The following BABAM2 variants were observed in gnomAD, a reference collection of about 807,000 sequenced individuals.
BABAM2 encodes the protein BRISC and BRCA1 A complex member 2.
Under a neutral mutation model 54.7 loss-of-function variants are expected in BABAM2, and 31 were observed. The ratio of observed to expected loss-of-function variants is 0.57; its 90% confidence interval spans 0.43 to 0.77. The LOEUF (loss-of-function observed/expected upper bound fraction) is 0.77, where lower values mean the gene tolerates loss of function less well. Ranked by LOEUF, BABAM2 falls within the 30% of genes least tolerant of loss-of-function variation. The pLI, the probability that BABAM2 is intolerant of heterozygous loss-of-function variation, is 0.00. For synonymous variants in BABAM2, 167 were observed against 162.9 expected (o/e 1.03, Z -0.19); for missense variants, 364 against 455.8 (o/e 0.80, Z 1.83).
chr2:27,989,559 G>A (rs1220546718), intron 4 of BABAM2, among the ~76,000 whole-genome samples: 1 of 152,154 alleles, frequency 6.6e-6, no homozygotes, highest in Non-Finnish European at 1.5e-5. Context: ...AGGTTAGAAA[G>A]GTAAATTGGG....
chr2:27,991,301 G>A (rs890098207), intron 4 of BABAM2, among the ~76,000 whole-genome samples: 1 of 152,178 alleles, frequency 6.6e-6, no homozygotes, highest in African/African-American at 2.4e-5. Context: ...TCCAACAGAA[G>A]GCTGTTTGCC....
Position 28,288,184 on chromosome 2 carries a change from A to G in BABAM2, c.935-10154A>G, listed in dbSNP as rs564982936. Among the ~76,000 whole-genome samples the G allele has an allele frequency of 1.3e-4, 20 of 152,276 alleles. 1 individual carries two copies. In the South Asian group the frequency reaches 4.1e-3, roughly 32 times the overall value. ...GAAAAGCAAGGGGCGCCCTCCAGAC[A>G]GGGAGAAGGACTTGGCCTGTGAGCT... On this transcript the variant is annotated intron_variant, in intron 10 of 11. Coordinates refer to ENST00000379624, the MANE Select transcript of BABAM2 (RefSeq NM_199191.3).
At chr2:28,103,556 A>G (rs993952698) in intron 6 of BABAM2, among the ~76,000 whole-genome samples, 1 of 152,116 alleles carries the variant, frequency 6.6e-6, no homozygotes, top group Non-Finnish European at 1.5e-5. Flanking sequence ...CCATCCTCCC[A>G]TCTCAGCCTC....
At chr2:28,164,672 T>C (rs1673454648) in intron 7 of BABAM2, among the ~76,000 whole-genome samples, 1 of 152,132 alleles carries the variant, frequency 6.6e-6, no homozygotes. Context: ...CTGGAACAGA[T>C]ACTTCCATAG....
intron 10 of BABAM2, among the ~76,000 whole-genome samples, chr2:28,251,933 G>A (rs866732034): frequency 4.6e-5 from 7 of 152,074 alleles, no homozygotes; most frequent in African/African-American, 1.7e-4. Context: ...GCTCATGCCC[G>A]TAATCCCAGC....
chr2:27,955,329 C>T (rs1670007444), intron 3 of BABAM2, among the ~76,000 whole-genome samples: 1 of 152,170 alleles, frequency 6.6e-6, no homozygotes, highest in Non-Finnish European at 1.5e-5. Flanking sequence ...GCATACTTTG[C>T]TAGGAAGTGC....
At chr2:28,273,599 G>A (rs1222847637) in intron 10 of BABAM2, among the ~76,000 whole-genome samples, 1 of 152,102 alleles carries the variant, frequency 6.6e-6, no homozygotes, top group Non-Finnish European at 1.5e-5. Context: ...TGGACTTGTA[G>A]TCCCAGCTTC....
Position 28,016,235 on chromosome 2 carries a change from G to A in BABAM2, c.301-8991G>A, listed in dbSNP as rs866944438. The A allele has an allele frequency of 1.1e-4, 102 of 913,938 alleles. No homozygotes were observed. The South Asian group carries it at 1.2e-3, about 11-fold the overall frequency. 56.6% of individuals were successfully genotyped at this position (913,938 alleles called of 1,614,324 possible). A position where few individuals can be genotyped will look rare whatever the true frequency, so the allele number is the denominator to read the frequency against. ...TCTTTTTTTGGATGAGCTCTCACTT[G>A]CACTTAACAATTTCCCCCTGTGTTT... On this transcript the variant is annotated intron_variant, in intron 4 of 11. Coordinates refer to ENST00000379624, the MANE Select transcript of BABAM2 (RefSeq NM_199191.3).
chr2:28,264,724 C>T (rs1449273807), intron 10 of BABAM2, among the ~76,000 whole-genome samples: 1 of 152,148 alleles, frequency 6.6e-6, no homozygotes, highest in Non-Finnish European at 1.5e-5. Flanking sequence ...CAAAATACTT[C>T]AAAAGACCCA....
chr2:28,237,892 G>A (rs1382332800), intron 8 of BABAM2, among the ~76,000 whole-genome samples: 6 of 151,842 alleles, frequency 4.0e-5, no homozygotes, highest in South Asian at 2.1e-4. Flanking sequence ...TCACTCTGTC[G>A]CCTGGGCTGG....
intron 4 of BABAM2, chr2:28,015,995 CT>C (rs1674781844): frequency 3.4e-6 from 2 of 594,618 alleles, no homozygotes; most frequent in Admixed American, 2.5e-5. Context: ...TCAGTTGCAT[CT>C]TTTGACTTCT....
intron 4 of BABAM2, among the ~76,000 whole-genome samples, chr2:28,012,317 G>A (rs7602328): frequency 0.65 from 99,384 of 152,052 alleles, 34,195 homozygotes; most frequent in Middle Eastern, 0.8. Context: ...CTGGGTCTGA[G>A]TAGCATTAAT....
chr2:28,108,199 A>G (rs1049597969), intron 6 of BABAM2, among the ~76,000 whole-genome samples: 1 of 152,190 alleles, frequency 6.6e-6, no homozygotes, highest in Non-Finnish European at 1.5e-5. Context: ...CAGTAGACCC[A>G]AGAAACCTAG....
chr2:28,270,018 C>G (rs1361728721), intron 10 of BABAM2, among the ~76,000 whole-genome samples: 4 of 152,106 alleles, frequency 2.6e-5, no homozygotes, highest in Non-Finnish European at 5.9e-5. Flanking sequence ...TGCTGAGAAA[C>G]AGGGTTAAGC....
At chr2:27,888,806 T>C (rs1394116958), upstream of BABAM2, among the ~76,000 whole-genome samples, 2 of 152,202 alleles carry the variant, frequency 1.3e-5, no homozygotes, top group East Asian at 3.8e-4. Flanking sequence ...AAATGTGACC[T>C]TGACCACATA....
intron 10 of BABAM2, among the ~76,000 whole-genome samples, chr2:28,286,278 C>T (rs1282743140): frequency 2.6e-5 from 4 of 152,102 alleles, no homozygotes; most frequent in Admixed American, 2.0e-4. Flanking sequence ...TACATACTTT[C>T]CAAAGCATTC....
intron 10 of BABAM2, among the ~76,000 whole-genome samples, chr2:28,286,341 A>G (rs1258684548): frequency 1.3e-5 from 2 of 152,164 alleles, no homozygotes; most frequent in African/African-American, 4.8e-5. Flanking sequence ...AGTGTCTGCC[A>G]CACTGGAATG....
intron 10 of BABAM2, among the ~76,000 whole-genome samples, chr2:28,266,252 G>A (rs535356600): frequency 2.3e-4 from 35 of 152,300 alleles, no homozygotes; most frequent in Non-Finnish European, 4.7e-4. Context: ...CTCCCAAAGT[G>A]TTGGGATTAC....
chr2:28,133,497 C>T (rs556024920), intron 7 of BABAM2, among the ~76,000 whole-genome samples: 97 of 152,320 alleles, frequency 6.4e-4, no homozygotes, highest in African/African-American at 2.3e-3. Flanking sequence ...CCATGCAGTG[C>T]ATTTGACAGG....
Sources: allele counts gnomAD v4.1 joint callset (sites outside exome capture counted in the v4.1 genomes callset), GRCh38; gene constraint gnomAD v4.1.1; transcripts MANE v1.5; gene names NCBI Gene and HGNC (gene_info 2026-07-23, HGNC 2026-07-21).